Variants in MGARP observed in about 807,000 individuals in gnomAD.
The protein encoded by MGARP is protein MGARP.
A neutral mutation model predicts 11.0 loss-of-function variants in MGARP; 12 were observed. The observed-to-expected ratio is 1.09, with a 90% CI of 0.70 to 1.77. The LOEUF (loss-of-function observed/expected upper bound fraction) is 1.77. Ranked by LOEUF, MGARP falls within the 40% of genes most tolerant of loss-of-function variation. The pLI, the probability that MGARP is intolerant of heterozygous loss-of-function variation, is 0.00. For missense variants in MGARP, 283 were observed against 297.8 expected, an observed-to-expected ratio of 0.95 and a Z score of 0.36; for synonymous variants, 110 against 115.4, an observed-to-expected ratio of 0.95 and a Z score of 0.30.
intron 1 of MGARP, among the ~76,000 whole-genome samples, chr4:139,276,892 G>A (rs990529679): frequency 6.6e-6 from 1 of 152,018 alleles, no homozygotes; most frequent in Admixed American, 6.6e-5. Context: ...TTTGGGTTTT[G>A]GATATTCTTT....
rs553533636 is a variant in MGARP at position 139,274,808 on chromosome 4, T to C, written c.186+481A>G. Among the ~76,000 whole-genome samples, 15 of 152,336 alleles carry C rather than the reference T, an allele frequency of 9.8e-5. No homozygotes were observed. The East Asian group carries it at 2.5e-3, about 25-fold the overall frequency. On this transcript the variant is annotated intron_variant, in intron 2 of 3. Transcript: ENST00000398955. ...CCTATATTAATTTTTAAGTTAATCTTTCAAAATAATTCTTTTAAAATGTTA... is the reference window on the plus strand; with the variant it reads ...CCTATATTAATTTTTAAGTTAATCTCTCAAAATAATTCTTTTAAAATGTTA...
chr4:139,275,246 A>G, intron 2 of MGARP, 43 bp downstream of exon 2: 1 of 1,527,706 alleles, frequency 6.5e-7, no homozygotes. Flanking sequence ...ATGAGTTGTA[A>G]AATACATGAA....
chr4:139,276,682 C>CA (rs1342123768), intron 1 of MGARP, among the ~76,000 whole-genome samples: 1 of 151,730 alleles, frequency 6.6e-6, no homozygotes, highest in East Asian at 1.9e-4. Context: ...CCCATCTCTA[C>CA]AAAAAAATTT....
chr4:139,279,843 G>A (rs1180781997), intron 1 of MGARP, among the ~76,000 whole-genome samples: 1 of 152,182 alleles, frequency 6.6e-6, no homozygotes, highest in African/African-American at 2.4e-5. Flanking sequence ...ATCAGGATGC[G>A]AACCCAGATA....
chr4:139,266,395 C>T lies in MGARP; in HGVS notation c.*204G>A. 1 of 567,402 alleles carries T rather than the reference C, an allele frequency of 1.8e-6. No individual in the cohort carries two copies. Among genetic ancestry groups the T allele is most frequent in the Non-Finnish European group, 3.1e-6 (1 of 323,498 alleles). 35.1% of individuals were successfully genotyped at this position (567,402 alleles called of 1,614,324 possible). A position where few individuals can be genotyped will look rare whatever the true frequency, so the allele number is the denominator to read the frequency against. ...TTACTGCAATGTCATATTCTGATCT[C>T]AGACAGTAGAAGAGTAGTAAGAAAT... On this transcript the variant is annotated 3_prime_UTR_variant, in exon 4 of 4. Coordinates refer to ENST00000398955, the MANE Select transcript of MGARP (RefSeq NM_032623.4).
At chr4:139,277,157 T>C (rs78315993) in intron 1 of MGARP, among the ~76,000 whole-genome samples, 8,773 of 152,268 alleles carry the variant, frequency 0.058, 287 homozygotes, top group East Asian at 0.1. Flanking sequence ...GATTTTTGGA[T>C]TAAGCATGTC....
intron 3 of MGARP, among the ~76,000 whole-genome samples, chr4:139,267,326 G>T (rs905253258): frequency 2.0e-5 from 3 of 152,166 alleles, no homozygotes; most frequent in Non-Finnish European, 4.4e-5. Flanking sequence ...TCTATTGGTT[G>T]CCTCTTGGAG....
chr4:139,277,751 T>C (rs1744893984), intron 1 of MGARP, among the ~76,000 whole-genome samples: 1 of 152,126 alleles, frequency 6.6e-6, no homozygotes, highest in African/African-American at 2.4e-5. Flanking sequence ...TATCCAAGAT[T>C]TGTGGAAATA....
In MGARP at chr4:139,269,643, A is replaced by G. The variant is rs184507764; in HGVS notation, c.187-878T>C. On this transcript the variant is annotated intron_variant, in intron 2 of 3. Coordinates refer to ENST00000398955, the MANE Select transcript of MGARP (RefSeq NM_032623.4). ...AAGACTCCATCTCAAAAAAAAAAAA[A>G]AAAAGAAAAAAGAAAGAAAGAAACA... 2.4e-4 allele frequency among the ~76,000 whole-genome samples: 36 copies of G among 151,662 alleles called. No individual in the cohort carries two copies. The East Asian group carries it at 5.6e-3, about 24-fold the overall frequency.
chr4:139,269,412 T>C (rs1369114584), intron 2 of MGARP, among the ~76,000 whole-genome samples: 3 of 151,962 alleles, frequency 2.0e-5, no homozygotes, highest in Non-Finnish European at 2.9e-5. Context: ...GTGGATCACC[T>C]GAAGTCAGGA....
Position 139,270,180 on chromosome 4 carries a change from A to G in MGARP, c.187-1415T>C, listed in dbSNP as rs545878176. Among the ~76,000 whole-genome samples the G allele has an allele frequency of 1.5e-4, 22 of 151,644 alleles. No individual in the cohort carries two copies. In the South Asian group the frequency reaches 4.4e-3, roughly 30 times the overall value. On this transcript the variant is annotated intron_variant, in intron 2 of 3. Coordinates refer to ENST00000398955, the MANE Select transcript of MGARP (RefSeq NM_032623.4). ...CCGGGCGTGGTGGCGCATGCCTGTA[A>G]TCCCAGCTACTCGGGAGGCTGAGGC...
At position 139,271,381 on chromosome 4, in the gene MGARP, C is replaced by T. The variant is rs1401464898; in HGVS notation, c.187-2616G>A. ...TCTCTACTAAAAATACAAAAATTAG[C>T]CAGGCGTGGTGGCAGGCGCCTGTAA... On this transcript the variant is annotated intron_variant, in intron 2 of 3. Transcript: ENST00000398955. Among the ~76,000 whole-genome samples the T allele has an allele frequency of 1.4e-4, 21 of 152,034 alleles. 1 individual carries two copies. The highest frequency in any genetic ancestry group is 1.4e-3 in the Admixed American group (21 of 15,242).
chr4:139,270,404 T>C lies in MGARP; in HGVS notation c.187-1639A>G, dbSNP rs184506252. 5.7e-3 allele frequency among the ~76,000 whole-genome samples: 856 copies of C among 149,632 alleles called. 4 individuals carry two copies. The highest frequency in any genetic ancestry group is 0.02 in the African/African-American group (802 of 40,600). On this transcript the variant is annotated intron_variant, in intron 2 of 3. Coordinates refer to ENST00000398955, the MANE Select transcript of MGARP (RefSeq NM_032623.4). ...GCAGGCGGATCATGAGGTCAGGAGATGGAGACCATCCTGGCTAACATGGTG... is the reference window on the plus strand; with the variant it reads ...GCAGGCGGATCATGAGGTCAGGAGACGGAGACCATCCTGGCTAACATGGTG...
At chr4:139,272,686 C>CTTTTTTTTTTTTTTTT (rs774228171) in intron 2 of MGARP, among the ~76,000 whole-genome samples, 1 of 111,236 alleles carries the variant, frequency 9.0e-6, no homozygotes. Flanking sequence ...ATTCATATTT[C>CTTTTTTTTTTTTTTTT]TTTTTTTTTT....
chr4:139,267,251 G>GGTAA (rs1182163959), intron 3 of MGARP, among the ~76,000 whole-genome samples: 1 of 151,998 alleles, frequency 6.6e-6, no homozygotes, highest in Non-Finnish European at 1.5e-5. Flanking sequence ...GCAGGAGGGG[G>GGTAA]GTAAGTTGTA....
intron 3 of MGARP, 134 bp from the exon 4 acceptor site, chr4:139,267,175 G>C (rs1386113316): frequency 1.1e-6 from 1 of 879,408 alleles, no homozygotes; most frequent in Non-Finnish European, 1.8e-6. Flanking sequence ...AGACTCTCAA[G>C]TGAAACAGCA....
At chr4:139,269,338 CTG>C (rs1484927619) in intron 2 of MGARP, among the ~76,000 whole-genome samples, 1 of 152,060 alleles carries the variant, frequency 6.6e-6, no homozygotes, top group Non-Finnish European at 1.5e-5. Context: ...TAGTCAAAAA[CTG>C]GAATCAGGCC....
chr4:139,279,884 C>A (rs995172453), intron 1 of MGARP, among the ~76,000 whole-genome samples, 193 bp downstream of exon 1: 21 of 152,220 alleles, frequency 1.4e-4, no homozygotes, highest in African/African-American at 4.8e-5. Context: ...TGGAAAAGTT[C>A]CCTACTTCCA....
In MGARP at chr4:139,266,600, T is replaced by C. The variant is rs372233285; in HGVS notation, c.722A>G (p.Ter241=). The C allele has an allele frequency of 1.2e-6, 2 of 1,610,732 alleles. No homozygotes were observed. Among genetic ancestry groups the C allele is most frequent in the African/African-American group, 1.3e-5 (1 of 74,746 alleles). Residue 241 remains the stop codon, a stop_retained_variant, in exon 4 of 4, where the codon TAA becomes TGA. Transcript: ENST00000398955. ...VGSEAASAQG[*] ...GCTGAAATGTCTACCGGCTGGAGAT[T>C]AGCCTTGAGCCGAAGCAGCCTCAGA...
Sources: gnomAD v4.1 joint callset for allele counts (sites outside exome capture counted in the v4.1 genomes callset) on GRCh38, gnomAD v4.1.1 for gene constraint, MANE v1.5 for transcripts, NCBI Gene and HGNC (gene_info 2026-07-23, HGNC 2026-07-21) for gene names.